Variants in SCAI observed in about 807,000 individuals in gnomAD.
SCAI encodes suppressor of cancer cell invasion.
Under a neutral mutation model 92.2 loss-of-function variants are expected in SCAI, and 24 were observed. The ratio of observed to expected loss-of-function variants is 0.26; its 90% CI spans 0.19 to 0.37. The LOEUF (loss-of-function observed/expected upper bound fraction) is 0.37, where lower values mean the gene tolerates loss of function less well. Ranked by LOEUF, SCAI falls within the 10% of genes least tolerant of loss-of-function variation. The pLI is 1.00. For missense variants in SCAI, 450 were observed against 736.2 expected (o/e 0.61, Z 4.50); for synonymous variants, 261 against 258.6 (o/e 1.01, Z -0.09).
Position 125,122,363 on chromosome 9 carries a change from G to C in SCAI, c.98+20270C>G, listed in dbSNP as rs553034191. The stretch of plus-strand genomic sequence containing the variant: ...CCCAGCACTTTGGGAGGTCGAGGCG[G>C]GTGGACCACGAGGTCAGGAGTTCAA... On this transcript the variant is annotated intron_variant, in intron 2 of 17. Coordinates refer to ENST00000336505, the MANE Select transcript of SCAI (RefSeq NM_001144877.3). Among the ~76,000 whole-genome samples, 137 of 152,194 alleles carry C rather than the reference G, an allele frequency of 9.0e-4. 4 individuals carry two copies. The South Asian group carries it at 0.028, about 31-fold the overall frequency.
chr9:125,029,856 T>A, intron 3 of SCAI, 117 bp from the exon 4 acceptor site: 2 of 538,462 alleles, frequency 3.7e-6, no homozygotes, highest in Non-Finnish European at 3.1e-6. Flanking sequence ...CTTTCTTTTT[T>A]AAAAAAGTTA....
At chr9:125,127,156 T>A (rs1835295254) in intron 2 of SCAI, among the ~76,000 whole-genome samples, 1 of 152,154 alleles carries the variant, frequency 6.6e-6, no homozygotes, top group Non-Finnish European at 1.5e-5. Context: ...TGGGCATGTG[T>A]TGTACCAAGC....
chr9:125,112,048 G>A (rs1473135882), intron 2 of SCAI, among the ~76,000 whole-genome samples: 1 of 152,244 alleles, frequency 6.6e-6, no homozygotes, highest in East Asian at 1.9e-4. Context: ...AACAGTGCCT[G>A]GAAGCCTGGA....
intron 2 of SCAI, among the ~76,000 whole-genome samples, chr9:125,075,369 A>G (rs770643478): frequency 7.2e-4 from 109 of 152,008 alleles, no homozygotes; most frequent in Admixed American, 1.2e-3. Context: ...ATTTCTATTT[A>G]GTCTGTAAAG....
intron 3 of SCAI, among the ~76,000 whole-genome samples, chr9:125,030,524 G>C (rs1833053634): frequency 6.6e-6 from 1 of 152,214 alleles, no homozygotes; most frequent in South Asian, 2.1e-4. Context: ...TTTGAGGGTT[G>C]TTACAGCAGC....
chr9:124,970,370 G>A (rs1178381528), intron 17 of SCAI, among the ~76,000 whole-genome samples: 1 of 152,056 alleles, frequency 6.6e-6, no homozygotes. Flanking sequence ...TAAATATGTT[G>A]TGTAGGAATA....
At chr9:125,047,971 ATTTTC>A (rs1447280588) in intron 3 of SCAI, among the ~76,000 whole-genome samples, 5 of 151,456 alleles carry the variant, frequency 3.3e-5, no homozygotes, top group Admixed American at 6.6e-5. Context: ...TTAGTCATTG[ATTTTC>A]TTTTCTTTTG....
chr9:125,029,551 C>A, intron 4 of SCAI, 93 bp downstream of exon 4: 1 of 606,832 alleles, frequency 1.6e-6, no homozygotes, highest in African/African-American at 1.9e-5. Context: ...AAAGAAAAAG[C>A]ACCAAGACAA....
At chr9:125,071,279 G>A (rs1264547823) in intron 2 of SCAI, among the ~76,000 whole-genome samples, 2 of 152,166 alleles carry the variant, frequency 1.3e-5, no homozygotes, top group Non-Finnish European at 1.5e-5. Flanking sequence ...TGTGCCTATA[G>A]TTCTAGCTAT....
At chr9:125,044,474 T>C (rs1473235540) in intron 3 of SCAI, among the ~76,000 whole-genome samples, 3 of 152,076 alleles carry the variant, frequency 2.0e-5, no homozygotes, top group Non-Finnish European at 2.9e-5. Context: ...GTCTCCTCTC[T>C]GCTAAGAGCT....
At chr9:124,968,908 T>G in intron 17 of SCAI, 1 of 438,434 alleles carries the variant, frequency 2.3e-6, no homozygotes, top group Non-Finnish European at 4.0e-6. Context: ...TTCCAAACTG[T>G]AGGAAATCTC....
intron 9 of SCAI, among the ~76,000 whole-genome samples, chr9:125,008,834 C>A (rs1832569672): frequency 6.6e-6 from 1 of 151,934 alleles, no homozygotes; most frequent in Non-Finnish European, 1.5e-5. Context: ...AGACATAAAC[C>A]CATAGATTCA....
intron 13 of SCAI, among the ~76,000 whole-genome samples, chr9:124,999,232 C>T (rs1196174023): frequency 6.6e-6 from 1 of 151,660 alleles, no homozygotes; most frequent in Non-Finnish European, 1.5e-5. Flanking sequence ...ACTAAAAATA[C>T]AAAAATTAGC....
chr9:125,028,142 C>G (rs1363126899), intron 5 of SCAI, among the ~76,000 whole-genome samples: 1 of 152,118 alleles, frequency 6.6e-6, no homozygotes, highest in African/African-American at 2.4e-5. Flanking sequence ...AAACCAAGAT[C>G]AAATTTTTAA....
chr9:125,129,108 G>A (rs1484703622), intron 2 of SCAI, among the ~76,000 whole-genome samples: 1 of 151,572 alleles, frequency 6.6e-6, no homozygotes, highest in Non-Finnish European at 1.5e-5. Context: ...AGTCAGTAAG[G>A]GAAATGTCTC....
chr9:125,047,532 C>G (rs1483452314), intron 3 of SCAI, among the ~76,000 whole-genome samples: 1 of 152,194 alleles, frequency 6.6e-6, no homozygotes, highest in African/African-American at 2.4e-5. Flanking sequence ...GACCTGCAAG[C>G]TATTAGCATC....
At chr9:125,022,721 A>T (rs560838659) in intron 6 of SCAI, among the ~76,000 whole-genome samples, 1 of 152,276 alleles carries the variant, frequency 6.6e-6, no homozygotes, top group Admixed American at 6.5e-5. Flanking sequence ...CTTGGCCTCG[A>T]AGAGTCTCTT....
chr9:125,132,435 T>A (rs1309352296), intron 2 of SCAI, among the ~76,000 whole-genome samples: 1 of 151,752 alleles, frequency 6.6e-6, no homozygotes, highest in East Asian at 1.9e-4. Context: ...TGTGATCCAA[T>A]GGATCAATGA....
rs375948775 is a variant in SCAI, at chr9:124,956,313, G to A, written c.1675-3360C>T. On this transcript the variant is annotated intron_variant, in intron 17 of 17. Coordinates refer to ENST00000336505, the MANE Select transcript of SCAI (RefSeq NM_001144877.3). ...GGCTCACCACAACTTCCGCCTGCTG[G>A]GTTCAAGAGATTTTCCTGCCTCAGC... Among the ~76,000 whole-genome samples the A allele has an allele frequency of 6.6e-5, 10 of 152,228 alleles. No homozygotes were observed. In the South Asian group the frequency reaches 2.1e-3, roughly 32 times the overall value.
Sources: allele counts gnomAD v4.1 joint callset (sites outside exome capture counted in the v4.1 genomes callset), GRCh38; gene constraint gnomAD v4.1.1; transcripts MANE v1.5; gene names NCBI Gene and HGNC (gene_info 2026-07-23, HGNC 2026-07-21).